SPATA6: variants seen among roughly 807,000 people sequenced by gnomAD.
SPATA6 encodes the protein spermatogenesis-associated protein 6.
A neutral mutation model predicts 65.3 loss-of-function variants in SPATA6; 56 were observed. The ratio of observed to expected loss-of-function variants is 0.86; its 90% CI spans 0.69 to 1.07. The LOEUF (loss-of-function observed/expected upper bound fraction) is 1.07. Among genes scored for constraint, SPATA6 ranks in the 50% least tolerant of loss-of-function variants. The pLI, the probability that SPATA6 is intolerant of heterozygous loss-of-function variation, is 0.00. For missense variants in SPATA6, 590 were observed against 594.8 expected, an observed-to-expected ratio of 0.99 and a Z score of 0.08; for synonymous variants, 199 against 213.2, an observed-to-expected ratio of 0.93 and a Z score of 0.58.
chr1:48,420,968 T>C (rs544851220), intron 3 of SPATA6, among the ~76,000 whole-genome samples: 3 of 152,150 alleles, frequency 2.0e-5, no homozygotes, highest in South Asian at 2.1e-4. Flanking sequence ...ATCTCACTCA[T>C]TGATGAAATC....
At chr1:48,358,105 C>T (rs967874202) in intron 10 of SPATA6, among the ~76,000 whole-genome samples, 1 of 152,054 alleles carries the variant, frequency 6.6e-6, no homozygotes, top group Non-Finnish European at 1.5e-5. Flanking sequence ...CCCTTCCCCA[C>T]ACTGAAATAT....
intron 9 of SPATA6, among the ~76,000 whole-genome samples, chr1:48,363,945 T>TC (rs1394316719): frequency 6.6e-6 from 1 of 151,714 alleles, no homozygotes; most frequent in Non-Finnish European, 1.5e-5. Flanking sequence ...ATGCTATCCC[T>TC]CCCCCCTTCC....
chr1:48,277,374 G>A, the SPATA6 span, among the ~76,000 whole-genome samples: 417 of 152,360 alleles, frequency 2.7e-3, 2 homozygotes, highest in African/African-American at 9.7e-3. Flanking sequence ...AGCAGGGCGA[G>A]GCATTGCCTC....
chr1:48,379,251 AACTC>A (rs1648272457), intron 9 of SPATA6, among the ~76,000 whole-genome samples: 1 of 152,284 alleles, frequency 6.6e-6, no homozygotes, highest in East Asian at 1.9e-4. Context: ...AACTCGTGAG[AACTC>A]ACTATCATGA....
At chr1:48,420,015 G>A (rs1318744887) in intron 3 of SPATA6, among the ~76,000 whole-genome samples, 4 of 152,106 alleles carry the variant, frequency 2.6e-5, no homozygotes, top group Non-Finnish European at 5.9e-5. Flanking sequence ...GATGGGCCTG[G>A]TCACTGGAAA....
At chr1:48,325,813 G>T in intron 11 of SPATA6, 1 of 438,518 alleles carries the variant, frequency 2.3e-6, no homozygotes, top group Non-Finnish European at 4.5e-6. Context: ...GCTGAGGCTT[G>T]TGAGGCTCCA....
At chr1:48,341,221 A>G (rs184002060) in intron 11 of SPATA6, among the ~76,000 whole-genome samples, 15 of 152,340 alleles carry the variant, frequency 9.8e-5, no homozygotes, top group Admixed American at 9.2e-4. Context: ...ACTTTTAGGT[A>G]TATTTCCAGC....
At chr1:48,324,919 A>C (rs1233995705) in intron 11 of SPATA6, among the ~76,000 whole-genome samples, 1 of 152,212 alleles carries the variant, frequency 6.6e-6, no homozygotes, top group Non-Finnish European at 1.5e-5. Flanking sequence ...CTTTCCTTGC[A>C]GATGATGCAA....
chr1:48,385,960 C>T (rs959812176), intron 8 of SPATA6, among the ~76,000 whole-genome samples: 4 of 152,118 alleles, frequency 2.6e-5, no homozygotes, highest in Non-Finnish European at 4.4e-5. Context: ...ACGTAAGGCA[C>T]TAAAATAGAA....
chr1:48,361,782 T>A (rs923595232), intron 9 of SPATA6, among the ~76,000 whole-genome samples: 1 of 152,134 alleles, frequency 6.6e-6, no homozygotes, highest in Non-Finnish European at 1.5e-5. Flanking sequence ...TAAATGTATG[T>A]CATTTGTTAT....
intron 9 of SPATA6, 53 bp downstream of exon 9, chr1:48,385,256 T>C (rs1383590941): frequency 4.0e-6 from 6 of 1,493,334 alleles, no homozygotes; most frequent in Non-Finnish European, 4.5e-6. Flanking sequence ...AATAGACTCA[T>C]GTTGTTGTCT....
intron 3 of SPATA6, among the ~76,000 whole-genome samples, chr1:48,424,346 T>A (rs1653638689): frequency 6.6e-6 from 1 of 152,250 alleles, no homozygotes; most frequent in African/African-American, 2.4e-5. Flanking sequence ...TTTCTTACGG[T>A]TGAATAATAC....
intron 4 of SPATA6, among the ~76,000 whole-genome samples, chr1:48,412,549 A>T (rs1007569972): frequency 2.0e-5 from 3 of 152,230 alleles, no homozygotes; most frequent in African/African-American, 7.2e-5. Context: ...ATTTTGGTCT[A>T]CTGACATTTT....
intron 3 of SPATA6, among the ~76,000 whole-genome samples, chr1:48,430,334 C>G (rs1331486002): frequency 6.6e-6 from 1 of 151,984 alleles, no homozygotes; most frequent in Non-Finnish European, 1.5e-5. Flanking sequence ...CTCGTATATA[C>G]AAAATATTTA....
At chr1:48,397,545 C>T (rs1650724006) in intron 7 of SPATA6, among the ~76,000 whole-genome samples, 1 of 151,410 alleles carries the variant, frequency 6.6e-6, no homozygotes, top group Non-Finnish European at 1.5e-5. Flanking sequence ...AAACTGTTTC[C>T]TTATTCTTTA....
rs1160192417 is a variant in SPATA6, at chr1:48,419,762, G to A, written c.239-6611C>T. On this transcript the variant is annotated intron_variant, in intron 3 of 12. Transcript: ENST00000371847. ...ATCTCTTCATCTTAAGAATACTAGA[G>A]TTTAAACAAGGGGACACCTGATATG... Among the ~76,000 whole-genome samples, 3 of 152,116 alleles carry A rather than the reference G, an allele frequency of 2.0e-5. No individual in the cohort carries two copies. In the East Asian group the frequency reaches 5.8e-4, roughly 29 times the overall value.
intron 11 of SPATA6, among the ~76,000 whole-genome samples, chr1:48,344,610 T>C (rs1646311588): frequency 6.6e-6 from 1 of 152,120 alleles, no homozygotes; most frequent in Non-Finnish European, 1.5e-5. Flanking sequence ...CAAGACTTGT[T>C]GGTATGCTGT....
chr1:48,273,747 G>A, the SPATA6 span, among the ~76,000 whole-genome samples: 1 of 152,110 alleles, frequency 6.6e-6, no homozygotes, highest in Admixed American at 6.6e-5. Context: ...TATCATTTAT[G>A]GGCATTTGAG....
downstream of SPATA6, among the ~76,000 whole-genome samples, chr1:48,293,709 A>C (rs909082588): frequency 6.6e-6 from 1 of 152,148 alleles, no homozygotes. Context: ...TACTTCACAA[A>C]CCTTAGTAAG....
Sources: allele counts gnomAD v4.1 joint callset (sites outside exome capture counted in the v4.1 genomes callset), GRCh38; gene constraint gnomAD v4.1.1; transcripts MANE v1.5; gene names NCBI Gene and HGNC (gene_info 2026-07-23, HGNC 2026-07-21).